FYB2: variants seen among roughly 807,000 people sequenced by gnomAD.
FYB2 encodes the protein FYN-binding protein 2.
FYB2 carries 103 observed loss-of-function variants against 94.1 expected under a neutral mutation model. The ratio of observed to expected loss-of-function variants is 1.09; its 90% CI spans 0.93 to 1.29. FYB2 has a LOEUF of 1.29. FYB2 is among the 50% of genes most tolerant of loss of function. The pLI, the probability that FYB2 is intolerant of heterozygous loss-of-function variation, is 0.00. For synonymous variants in FYB2, 293 were observed against 287.9 expected (o/e 1.02, Z -0.18); for missense variants, 896 against 841.5 (o/e 1.06, Z -0.80).
At chr1:56,736,039 G>A (rs539343029) in intron 15 of FYB2, among the ~76,000 whole-genome samples, 3 of 151,994 alleles carry the variant, frequency 2.0e-5, no homozygotes, top group Non-Finnish European at 4.4e-5. Flanking sequence ...TATATATTTT[G>A]TGTATCAAAA....
intron 1 of FYB2, among the ~76,000 whole-genome samples, chr1:56,795,814 G>A (rs1200255469): frequency 1.3e-5 from 2 of 152,158 alleles, no homozygotes; most frequent in East Asian, 3.8e-4. Context: ...CAAAGCCCTA[G>A]TATGAAATAG....
chr1:56,751,231 G>A, intron 8 of FYB2, 28 bp from the exon 9 acceptor site: 1 of 1,605,866 alleles, frequency 6.2e-7, no homozygotes, highest in Admixed American at 1.7e-5. Context: ...GGAGAATACT[G>A]TAGGGCTGTG....
chr1:56,789,479 T>G (rs538822324), intron 2 of FYB2, among the ~76,000 whole-genome samples: 1 of 152,338 alleles, frequency 6.6e-6, no homozygotes, highest in South Asian at 2.1e-4. Context: ...CGTATTTGAT[T>G]TAGATAGCCT....
chr1:56,736,424 C>CTTTTTTTTTTT (rs59242700), intron 15 of FYB2, among the ~76,000 whole-genome samples: 1 of 120,008 alleles, frequency 8.3e-6, no homozygotes, highest in Non-Finnish European at 1.7e-5. Flanking sequence ...TTAAGGATGG[C>CTTTTTTTTTTT]TTTTTTTTTT....
At chr1:56,740,902 G>A in intron 12 of FYB2, 107 bp from the exon 13 acceptor site, 3 of 678,650 alleles carry the variant, frequency 4.4e-6, no homozygotes, top group Non-Finnish European at 7.1e-6. Context: ...CTTGTAAGTG[G>A]GAGCTAAACA....
chr1:56,796,191 C>A (rs1402047169), intron 1 of FYB2, among the ~76,000 whole-genome samples: 3 of 152,102 alleles, frequency 2.0e-5, no homozygotes, highest in Non-Finnish European at 4.4e-5. Flanking sequence ...GAAGCCCCTT[C>A]CAGCACTAAT....
At chr1:56,719,876 A>T in intron 19 of FYB2, 146 bp downstream of exon 19, 1 of 990,940 alleles carries the variant, frequency 1.0e-6, no homozygotes, top group Non-Finnish European at 1.4e-6. Flanking sequence ...CTCTTCCAAC[A>T]TAATCCTTAT....
At chr1:56,763,214 G>A (rs953180867) in intron 5 of FYB2, among the ~76,000 whole-genome samples, 5 of 152,128 alleles carry the variant, frequency 3.3e-5, no homozygotes, top group Non-Finnish European at 7.4e-5. Context: ...ATATTGATCT[G>A]AAGTTTTCTT....
At chr1:56,737,693 A>G (rs1283068050) in intron 14 of FYB2, 10 of 152,226 alleles carry the variant, frequency 6.6e-5, no homozygotes, top group Admixed American at 4.6e-4. Flanking sequence ...GGATATTCAC[A>G]TTCCTTGGCA....
At chr1:56,781,077 T>C (rs1193449452) in intron 4 of FYB2, among the ~76,000 whole-genome samples, 3 of 152,214 alleles carry the variant, frequency 2.0e-5, no homozygotes. Flanking sequence ...CCAGTCTTAA[T>C]TACCTGAAGT....
At chr1:56,782,451 G>A (rs1450779318) in intron 4 of FYB2, among the ~76,000 whole-genome samples, 5 of 151,946 alleles carry the variant, frequency 3.3e-5, no homozygotes, top group African/African-American at 1.2e-4. Context: ...CACTTCCACA[G>A]GATCAGCCAC....
chr1:56,790,318 T>C (rs1646231545), intron 2 of FYB2, among the ~76,000 whole-genome samples: 1 of 152,214 alleles, frequency 6.6e-6, no homozygotes, highest in South Asian at 2.1e-4. Context: ...CCAAAGTTCC[T>C]CTCTTCTTAG....
chr1:56,778,493 T>C (rs1026883017), intron 4 of FYB2, among the ~76,000 whole-genome samples: 2 of 152,188 alleles, frequency 1.3e-5, no homozygotes, highest in Admixed American at 1.3e-4. Context: ...ACAAAAACAC[T>C]GGGAACTCTT....
chr1:56,780,369 C>T (rs1314210150), intron 4 of FYB2, among the ~76,000 whole-genome samples: 3 of 152,198 alleles, frequency 2.0e-5, no homozygotes, highest in African/African-American at 7.2e-5. Flanking sequence ...TTCAAGAACA[C>T]CTGCTCAAAG....
chr1:56,756,289 G>T (rs894788217), intron 6 of FYB2, among the ~76,000 whole-genome samples: 14 of 152,050 alleles, frequency 9.2e-5, no homozygotes, highest in African/African-American at 3.1e-4. Context: ...TGGGCAAATT[G>T]GTATTCACAA....
intron 4 of FYB2, among the ~76,000 whole-genome samples, chr1:56,772,256 T>A (rs1448373829): frequency 2.0e-5 from 3 of 152,096 alleles, no homozygotes; most frequent in Non-Finnish European, 1.5e-5. Flanking sequence ...ACCACTTTGG[T>A]CAAAAATGAA....
intron 1 of FYB2, among the ~76,000 whole-genome samples, chr1:56,806,321 G>A (rs2101053487): frequency 6.6e-6 from 1 of 152,270 alleles, no homozygotes; most frequent in Admixed American, 6.5e-5. Context: ...TGTCAAAAGG[G>A]GGAATGAGAT....
chr1:56,732,176 A>T (rs1002746782), intron 15 of FYB2, among the ~76,000 whole-genome samples: 1 of 152,178 alleles, frequency 6.6e-6, no homozygotes. Context: ...TAGCGTTTCT[A>T]TACATGAACA....
At chr1:56,781,423 T>A (rs900872666) in intron 4 of FYB2, among the ~76,000 whole-genome samples, 3 of 152,222 alleles carry the variant, frequency 2.0e-5, no homozygotes, top group South Asian at 2.1e-4. Context: ...TCAACTTTTT[T>A]ATTTCATTTT....
Sources: gnomAD v4.1 joint callset for allele counts (sites outside exome capture counted in the v4.1 genomes callset) on GRCh38, gnomAD v4.1.1 for gene constraint, MANE v1.5 for transcripts, NCBI Gene and HGNC (gene_info 2026-07-23, HGNC 2026-07-21) for gene names.